The following SNX29 variants were observed in gnomAD, a reference collection of about 807,000 sequenced individuals.
SNX29 encodes the protein sorting nexin 29.
Under a neutral mutation model 102.1 loss-of-function variants are expected in SNX29, and 78 were observed. The ratio of observed to expected loss-of-function variants is 0.76; its 90% CI spans 0.64 to 0.92. The LOEUF (loss-of-function observed/expected upper bound fraction) is 0.92, where lower values mean the gene tolerates loss of function less well. Among genes scored for constraint, SNX29 ranks in the 40% least tolerant of loss-of-function variants. The pLI is 0.00. For missense variants in SNX29, 1,280 were observed against 1,061.7 expected, an observed-to-expected ratio of 1.21 and a Z score of -2.86; for synonymous variants, 580 against 414.5, an observed-to-expected ratio of 1.40 and a Z score of -4.85.
At chr16:12,565,659 C>G (rs957117042) in intron 20 of SNX29, among the ~76,000 whole-genome samples, 4 of 152,252 alleles carry the variant, frequency 2.6e-5, no homozygotes, top group Middle Eastern at 3.2e-3. Context: ...CGTGACAGCT[C>G]AGTGCACGTC....
At chr16:12,560,896 CTTT>C (rs1330848717) in intron 20 of SNX29, 5 of 193,114 alleles carry the variant, frequency 2.6e-5, no homozygotes, top group Middle Eastern at 1.8e-3. Flanking sequence ...CAAGCAGTGG[CTTT>C]TTTAATCCTT....
intron 15 of SNX29, among the ~76,000 whole-genome samples, chr16:12,327,072 A>G (rs1456189429): frequency 6.6e-6 from 1 of 152,152 alleles, no homozygotes; most frequent in Non-Finnish European, 1.5e-5. Context: ...TAGGAACCAC[A>G]TGACCCCTCT....
chr16:12,309,719 A>T (rs1311921305), intron 15 of SNX29, among the ~76,000 whole-genome samples: 1 of 151,966 alleles, frequency 6.6e-6, no homozygotes, highest in African/African-American at 2.4e-5. Context: ...TGTGTTCAAC[A>T]CTCTTAAATC....
At chr16:12,389,119 T>C (rs1282282150) in intron 16 of SNX29, among the ~76,000 whole-genome samples, 1 of 152,220 alleles carries the variant, frequency 6.6e-6, no homozygotes, top group Non-Finnish European at 1.5e-5. Flanking sequence ...CCACTCCCCA[T>C]GTTACTGTAA....
At chr16:12,543,943 G>C (rs978226941) in intron 20 of SNX29, among the ~76,000 whole-genome samples, 4 of 152,178 alleles carry the variant, frequency 2.6e-5, no homozygotes, top group African/African-American at 9.6e-5. Flanking sequence ...CTCGTTCTAA[G>C]CGAGGAGCCT....
chr16:11,985,002 ATT>A (rs139330942), intron 1 of SNX29, among the ~76,000 whole-genome samples: 1 of 149,732 alleles, frequency 6.7e-6, no homozygotes, highest in African/African-American at 2.5e-5. Flanking sequence ...TGCAGTGAAC[ATT>A]TTTTTTTCAA....
At position 12,405,394 on chromosome 16, in the gene SNX29, C is replaced by A. The variant is rs111999555; in HGVS notation, c.2037+1865C>A. Among the ~76,000 whole-genome samples, 119 of 152,306 alleles carry A rather than the reference C, an allele frequency of 7.8e-4. 1 individual carries two copies. Among genetic ancestry groups the A allele is most frequent in the African/African-American group, 2.7e-3 (113 of 41,568 alleles). The stretch of plus-strand genomic sequence containing the variant: ...CACTGTGGCAGTGAAGCCACTCTCT[C>A]CCCGTCCTTTACGGTGTGAAGCTCT... On this transcript the variant is annotated intron_variant, in intron 18 of 20. Transcript: ENST00000566228.
intron 11 of SNX29, among the ~76,000 whole-genome samples, chr16:12,125,295 T>C (rs1041539429): frequency 2.6e-5 from 4 of 152,284 alleles, no homozygotes; most frequent in Non-Finnish European, 4.4e-5. Flanking sequence ...GAACATGATG[T>C]CATAGCTGTG....
intron 20 of SNX29, among the ~76,000 whole-genome samples, chr16:12,536,006 G>T (rs1020480890): frequency 6.6e-6 from 1 of 152,164 alleles, no homozygotes; most frequent in Non-Finnish European, 1.5e-5. Context: ...TGTTCGACAC[G>T]CACTCGGAGC....
rs114629677 is a variant in SNX29, at chr16:12,558,085, C to T, written c.2319-10421C>T. ...ATGATTGTGCTCTGAACATCCCATG[C>T]AAAGTGGGGACGGGGCAACTGAGAA... is the stretch of plus-strand genomic sequence containing the variant. On this transcript the variant is annotated intron_variant, in intron 20 of 20. Coordinates refer to ENST00000566228, the MANE Select transcript of SNX29 (RefSeq NM_032167.5). Among the ~76,000 whole-genome samples the T allele has an allele frequency of 5.1e-3, 776 of 152,304 alleles. 9 individuals are homozygous for T. Among genetic ancestry groups the T allele is most frequent in the African/African-American group, 0.018 (748 of 41,552 alleles).
rs114535546 is a variant in SNX29 at position 12,345,168 on chromosome 16, G to A, written c.1783-10995G>A. Among the ~76,000 whole-genome samples the A allele has an allele frequency of 6.0e-3, 917 of 152,292 alleles. 7 individuals carry two copies. Among genetic ancestry groups the A allele is most frequent in the African/African-American group, 0.02 (844 of 41,548 alleles). On this transcript the variant is annotated intron_variant, in intron 15 of 20. Transcript: ENST00000566228. Reference sequence around the variant, plus strand: ...GGAGTTGGGTAAGATCCTGTGCTCTGCGCTAGAGCTGTGAACTGCCCAGGA... The same window carrying A: ...GGAGTTGGGTAAGATCCTGTGCTCTACGCTAGAGCTGTGAACTGCCCAGGA...
At chr16:12,341,252 C>G (rs1296028975) in intron 15 of SNX29, among the ~76,000 whole-genome samples, 1 of 152,244 alleles carries the variant, frequency 6.6e-6, no homozygotes, top group Non-Finnish European at 1.5e-5. Flanking sequence ...CAAATTCTGA[C>G]TTCACCACTT....
intron 16 of SNX29, among the ~76,000 whole-genome samples, chr16:12,364,685 C>T (rs888003916): frequency 6.6e-6 from 1 of 152,162 alleles, no homozygotes; most frequent in Non-Finnish European, 1.5e-5. Flanking sequence ...ATGGTGGATG[C>T]AAACACGAGC....
At chr16:12,014,732 C>CAAAAAA (rs201224471) in intron 3 of SNX29, among the ~76,000 whole-genome samples, 14 of 71,808 alleles carry the variant, frequency 1.9e-4, no homozygotes, top group Non-Finnish European at 3.3e-4. Flanking sequence ...AGCTCCGTCT[C>CAAAAAA]AAAAAAAAAA....
intron 20 of SNX29, among the ~76,000 whole-genome samples, chr16:12,560,226 C>G (rs2078645389): frequency 6.7e-6 from 1 of 150,074 alleles, no homozygotes; most frequent in African/African-American, 2.5e-5. Flanking sequence ...ACAGCCAGAG[C>G]TTGCAGAAGA....
At chr16:12,403,411 T>A in intron 17 of SNX29, 37 bp from the exon 18 acceptor site, 1 of 1,544,452 alleles carries the variant, frequency 6.5e-7, no homozygotes, top group East Asian at 2.3e-5. Flanking sequence ...TAAGTTAAAA[T>A]GTCTAATGTT....
intron 16 of SNX29, among the ~76,000 whole-genome samples, chr16:12,378,403 G>A (rs559033777): frequency 2.7e-4 from 41 of 152,222 alleles, no homozygotes; most frequent in African/African-American, 8.2e-4. Flanking sequence ...TAATCCCAGC[G>A]CTTTAGGAGG....
In SNX29 at chr16:12,568,027, C is replaced by T. The variant is rs765982903; in HGVS notation, c.2319-479C>T. Among the ~76,000 whole-genome samples, 4 of 152,184 alleles carry T rather than the reference C, an allele frequency of 2.6e-5. No homozygotes were observed. In the East Asian group the frequency reaches 5.8e-4, roughly 22 times the overall value. On this transcript the variant is annotated intron_variant, in intron 20 of 20. Transcript: ENST00000566228. The stretch of plus-strand genomic sequence containing the variant: ...AATACCATGCCAAACAACCTTTTAA[C>T]TAGCCCCTAGCCTAGGGCCTGATTA...
In SNX29 at chr16:12,019,252, G is replaced by A. The variant is rs527963909; in HGVS notation, c.123-8068G>A. On this transcript the variant is annotated intron_variant, in intron 3 of 20. Coordinates refer to ENST00000566228, the MANE Select transcript of SNX29 (RefSeq NM_032167.5). Reference sequence around the variant, plus strand: ...CGATGGAGTCTCGCTCTGTCACCCAGGCTGGAGTGCAGTGGCACTATCTCG... The same window carrying A: ...CGATGGAGTCTCGCTCTGTCACCCAAGCTGGAGTGCAGTGGCACTATCTCG... 7.2e-5 allele frequency among the ~76,000 whole-genome samples: 11 copies of A among 152,256 alleles called. No individual in the cohort carries two copies. In the South Asian group the frequency reaches 1.9e-3, roughly 26 times the overall value.
Sources: gnomAD v4.1 joint callset for allele counts (sites outside exome capture counted in the v4.1 genomes callset) on GRCh38, gnomAD v4.1.1 for gene constraint, MANE v1.5 for transcripts, NCBI Gene and HGNC (gene_info 2026-07-23, HGNC 2026-07-21) for gene names.